Variants in SLC5A10 observed in about 807,000 individuals in gnomAD.
The protein encoded by SLC5A10 is sodium/mannose cotransporter SLC5A10.
SLC5A10 carries 55 observed loss-of-function variants against 68.9 expected under a neutral mutation model. The ratio of observed to expected loss-of-function variants is 0.80; its 90% confidence interval spans 0.64 to 1.00. The LOEUF is 1.00. Among genes scored for constraint, SLC5A10 ranks in the 50% least tolerant of loss-of-function variants. The pLI, the probability that SLC5A10 is intolerant of heterozygous loss-of-function variation, is 0.00. For missense variants in SLC5A10, 732 were observed against 819.3 expected (o/e 0.89, Z 1.30); for synonymous variants, 344 against 344.8 (o/e 1.00, Z 0.02).
rs139096938 is a variant in SLC5A10 at position 18,990,253 on chromosome 17, G to A, written c.982+13264G>A. 2.1e-3 allele frequency among the ~76,000 whole-genome samples: 314 copies of A among 152,294 alleles called. 1 individual carries two copies. The highest frequency in any genetic ancestry group is 6.9e-3 in the African/African-American group (288 of 41,560). Reference sequence around the variant, plus strand: ...AGGAAGGCCAGAGACTGCTTGGAGCGGGGGTAGATGATAGGGCAGAGAAGA... The same window carrying A: ...AGGAAGGCCAGAGACTGCTTGGAGCAGGGGTAGATGATAGGGCAGAGAAGA... On this transcript the variant is annotated intron_variant, in intron 9 of 14. Coordinates refer to ENST00000395645, the MANE Select transcript of SLC5A10 (RefSeq NM_001042450.4).
At chr17:18,997,870 T>C (rs1177076956) in intron 9 of SLC5A10, among the ~76,000 whole-genome samples, 4 of 152,146 alleles carry the variant, frequency 2.6e-5, no homozygotes, top group Non-Finnish European at 5.9e-5. Context: ...ACACAGAGTG[T>C]TTTACACACC....
At position 19,020,335 on chromosome 17, in the gene SLC5A10, AAC is replaced by A; in HGVS notation, c.1698_1699del (p.Gln568GlufsTer41). The A allele has an allele frequency of 6.2e-7, 1 of 1,614,120 alleles. No homozygotes were observed. Among genetic ancestry groups the A allele is most frequent in the Non-Finnish European group, 8.5e-7 (1 of 1,180,020 alleles). On this transcript the variant is annotated frameshift_variant, in exon 15 of 15. Transcript: ENST00000395645. LOFTEE classifies it high-confidence loss of function. ...TGCAACCCCCTCCAGGTGATGGCCA[AAC>A]ACCCCAGAAACACGCCTTCTGGGCC... ...PLGTKAGDGQ[T>X]PQKHAFWARV...
intron 11 of SLC5A10, among the ~76,000 whole-genome samples, chr17:19,015,669 T>C (rs1395653883): frequency 3.9e-5 from 6 of 152,226 alleles, no homozygotes; most frequent in Non-Finnish European, 7.3e-5. Context: ...TTCACCTCGA[T>C]GACTCATGCT....
chr17:19,002,252 C>A (rs2043749355), intron 9 of SLC5A10, among the ~76,000 whole-genome samples: 2 of 152,246 alleles, frequency 1.3e-5, no homozygotes, highest in African/African-American at 4.8e-5. Context: ...CTCAAAGCTG[C>A]CCAGGGTCAG....
At position 18,971,816 on chromosome 17, in the gene SLC5A10, G is replaced by A; in HGVS notation, c.846+598G>A. 2 of 1,495,192 alleles carry A rather than the reference G, an allele frequency of 1.3e-6. No homozygotes were observed. Among genetic ancestry groups the A allele is most frequent in the East Asian group, 4.6e-5 (2 of 43,568 alleles). The allele number at this position is 1,495,192 out of a possible 1,614,324, so 92.6% of individuals were successfully genotyped here. On this transcript the variant is annotated intron_variant, in intron 8 of 14. Coordinates refer to ENST00000395645, the MANE Select transcript of SLC5A10 (RefSeq NM_001042450.4). The surrounding 1 kb of genome is among the most constrained non-coding windows in gnomAD (Gnocchi z 5.5). ...CAACCCCGCCCCAGCACAGGACCCTGCTCAGGCACACAGGAGCCGGCAGGC... is the reference window on the plus strand; with the variant it reads ...CAACCCCGCCCCAGCACAGGACCCTACTCAGGCACACAGGAGCCGGCAGGC...
chr17:18,980,493 G>A (rs946045587), intron 9 of SLC5A10, among the ~76,000 whole-genome samples: 10 of 152,118 alleles, frequency 6.6e-5, no homozygotes, highest in African/African-American at 2.4e-4. Flanking sequence ...GGTCGTCACC[G>A]GCCTTTTCCT....
chr17:18,983,051 G>A (rs1218160130), intron 9 of SLC5A10, among the ~76,000 whole-genome samples: 1 of 152,232 alleles, frequency 6.6e-6, no homozygotes, highest in Admixed American at 6.5e-5. Context: ...CCAACACAGA[G>A]GACCACAAAA....
chr17:19,022,037 G>A lies in SLC5A10; in HGVS notation c.*1606G>A, dbSNP rs1467733626. 2 of 1,599,396 alleles carry A rather than the reference G, an allele frequency of 1.3e-6. No homozygotes were observed. Among genetic ancestry groups the A allele is most frequent in the African/African-American group, 1.3e-5 (1 of 74,444 alleles). On this transcript the variant is annotated 3_prime_UTR_variant, in exon 15 of 15. Transcript: ENST00000395645. ...AGGACCGGCCCCGCCACCAGTGGGG[G>A]TCTGGGCGCTCCAGGACCTCAATGA...
At position 18,959,120 on chromosome 17, in the gene SLC5A10, C is replaced by A; in HGVS notation, c.184-15C>A. 1 of 1,604,736 alleles carries A rather than the reference C, an allele frequency of 6.2e-7. No individual in the cohort carries two copies. ...GGGAGCCTGCTGCTGATGCGTTTCC[C>A]TTTCTCTCCTCCAGATTGGAGCCTC... On this transcript the variant is annotated splice_polypyrimidine_tract_variant and intron_variant, in intron 2 of 14. Coordinates refer to ENST00000395645, the MANE Select transcript of SLC5A10 (RefSeq NM_001042450.4).
intron 10 of SLC5A10, among the ~76,000 whole-genome samples, chr17:19,013,799 G>A (rs888933198): frequency 6.6e-6 from 1 of 151,882 alleles, no homozygotes; most frequent in South Asian, 2.1e-4. Flanking sequence ...TTTCTCTTCT[G>A]TTCTGGGCAA....
intron 9 of SLC5A10, among the ~76,000 whole-genome samples, chr17:18,995,768 C>A (rs1175414638): frequency 2.0e-5 from 3 of 152,044 alleles, no homozygotes; most frequent in African/African-American, 7.2e-5. Flanking sequence ...ATTAGCAGGG[C>A]ATAGTGGCAT....
chr17:18,979,478 G>C, intron 9 of SLC5A10: 1 of 1,575,542 alleles, frequency 6.3e-7, no homozygotes, highest in East Asian at 2.3e-5. Flanking sequence ...CCAGGGTTAG[G>C]ATTAAGGGCA....
intron 9 of SLC5A10, among the ~76,000 whole-genome samples, chr17:18,981,963 T>C (rs964805961): frequency 1.3e-5 from 2 of 152,132 alleles, no homozygotes; most frequent in African/African-American, 2.4e-5. Flanking sequence ...CTCCACCGCC[T>C]CCTGCAGGCT....
intron 9 of SLC5A10, chr17:18,979,232 G>T (rs2043067514): frequency 4.2e-6 from 2 of 471,440 alleles, no homozygotes; most frequent in Admixed American, 3.6e-5. Flanking sequence ...GCCCCATGTG[G>T]TGGTGCCCAC....
chr17:18,990,384 C>T (rs2043385433), intron 9 of SLC5A10, among the ~76,000 whole-genome samples: 1 of 152,084 alleles, frequency 6.6e-6, no homozygotes, highest in South Asian at 2.1e-4. Context: ...CTCCCAGACC[C>T]AAAGCCTCTC....
intron 9 of SLC5A10, chr17:18,978,772 C>G: frequency 6.2e-7 from 1 of 1,612,968 alleles, no homozygotes. Context: ...CCTGGAACTG[C>G]CGGTCAAACA....
At chr17:18,981,767 C>T (rs1026318682) in intron 9 of SLC5A10, among the ~76,000 whole-genome samples, 11 of 152,228 alleles carry the variant, frequency 7.2e-5, no homozygotes, top group Non-Finnish European at 1.3e-4. Flanking sequence ...CCGCCCTCGC[C>T]GGCCCCCCAC....
chr17:18,981,350 C>G (rs1201146478), intron 9 of SLC5A10, among the ~76,000 whole-genome samples: 1 of 152,082 alleles, frequency 6.6e-6, no homozygotes, highest in East Asian at 1.9e-4. Context: ...GCCTGCAGAG[C>G]GAGCAGGGGC....
chr17:18,985,685 C>A (rs1199211107), intron 9 of SLC5A10, among the ~76,000 whole-genome samples: 1 of 152,204 alleles, frequency 6.6e-6, no homozygotes, highest in Non-Finnish European at 1.5e-5. Context: ...AGCTCAGAGG[C>A]GAGAATGAGG....
Sources: gnomAD v4.1 joint callset for allele counts (sites outside exome capture counted in the v4.1 genomes callset) on GRCh38, gnomAD v4.1.1 for gene constraint, Gnocchi (gnomAD v3.1) non-coding constraint, MANE v1.5 for transcripts, NCBI Gene and HGNC (gene_info 2026-07-23, HGNC 2026-07-21) for gene names.